Variants in ST6GALNAC3 observed in about 807,000 individuals in gnomAD.
The protein encoded by ST6GALNAC3 is alpha-N-acetylgalactosaminide alpha-2,6-sialyltransferase 3.
ST6GALNAC3 carries 25 observed loss-of-function variants against 32.7 expected under a neutral mutation model. The observed-to-expected ratio is 0.76, with a 90% confidence interval of 0.56 to 1.07. The LOEUF (loss-of-function observed/expected upper bound fraction) is 1.07, where lower values mean the gene tolerates loss of function less well. Among genes scored for constraint, ST6GALNAC3 ranks in the 50% least tolerant of loss-of-function variants. ST6GALNAC3 has a pLI of 0.00. For missense variants in ST6GALNAC3, 355 were observed against 382.4 expected (o/e 0.93, Z 0.60); for synonymous variants, 129 against 133.1 (o/e 0.97, Z 0.21).
intron 3 of ST6GALNAC3, among the ~76,000 whole-genome samples, chr1:76,598,935 T>C (rs1461306101): frequency 6.6e-6 from 1 of 152,232 alleles, no homozygotes; most frequent in African/African-American, 2.4e-5. Flanking sequence ...ACTGCATTTC[T>C]ATGCTTTTCA....
At chr1:76,444,481 T>C (rs1202859107) in intron 3 of ST6GALNAC3, among the ~76,000 whole-genome samples, 5 of 152,190 alleles carry the variant, frequency 3.3e-5, no homozygotes, top group Non-Finnish European at 5.9e-5. Flanking sequence ...CTCATTTTGG[T>C]TTTTTCCTTA....
At chr1:76,488,590 T>C (rs1166833382) in intron 3 of ST6GALNAC3, among the ~76,000 whole-genome samples, 1 of 152,126 alleles carries the variant, frequency 6.6e-6, no homozygotes, top group African/African-American at 2.4e-5. Flanking sequence ...TTAATACATA[T>C]TTGTTGAATA....
At chr1:76,431,896 T>C (rs143789514) in intron 3 of ST6GALNAC3, among the ~76,000 whole-genome samples, 15 of 152,316 alleles carry the variant, frequency 9.8e-5, no homozygotes, top group African/African-American at 3.1e-4. Flanking sequence ...ATACATTCTA[T>C]GGGTTTATAC....
intron 1 of ST6GALNAC3, among the ~76,000 whole-genome samples, chr1:76,278,568 G>A (rs1004521843): frequency 6.6e-6 from 1 of 151,778 alleles, no homozygotes; most frequent in Non-Finnish European, 1.5e-5. Flanking sequence ...TTGATATCTG[G>A]TTACCTCTAC....
intron 2 of ST6GALNAC3, among the ~76,000 whole-genome samples, chr1:76,400,713 C>T (rs559794064): frequency 2.6e-5 from 4 of 151,934 alleles, no homozygotes; most frequent in Non-Finnish European, 5.9e-5. Flanking sequence ...ATGGTGAAAC[C>T]TCATCTCTAG....
intron 3 of ST6GALNAC3, 71 bp downstream of exon 3, chr1:76,412,488 G>C (rs552327255): frequency 2.1e-6 from 3 of 1,430,040 alleles, no homozygotes; most frequent in East Asian, 4.7e-5. Context: ...AATTCCTTTT[G>C]CAGGATATAA....
intron 3 of ST6GALNAC3, among the ~76,000 whole-genome samples, chr1:76,478,760 C>CTTTT (rs397861238): frequency 6.8e-4 from 74 of 109,048 alleles, no homozygotes; most frequent in African/African-American, 8.9e-4. Context: ...TTTATTAATT[C>CTTTT]TTTTTTTTTT....
At chr1:76,225,743 T>C (rs527251924) in intron 1 of ST6GALNAC3, among the ~76,000 whole-genome samples, 1 of 152,122 alleles carries the variant, frequency 6.6e-6, no homozygotes, top group Non-Finnish European at 1.5e-5. Flanking sequence ...AGTTGCACAA[T>C]AGAGATGAAA....
At chr1:76,107,676 G>T (rs779183321) in intron 1 of ST6GALNAC3, among the ~76,000 whole-genome samples, 1 of 151,648 alleles carries the variant, frequency 6.6e-6, no homozygotes, top group Non-Finnish European at 1.5e-5. Flanking sequence ...TGCCCCACCC[G>T]CCAGCCCACC....
intron 3 of ST6GALNAC3, among the ~76,000 whole-genome samples, chr1:76,575,475 A>G (rs1236395945): frequency 6.6e-6 from 1 of 152,128 alleles, no homozygotes; most frequent in Non-Finnish European, 1.5e-5. Flanking sequence ...ATCCTCAAAT[A>G]AAATAGCAGA....
intron 1 of ST6GALNAC3, among the ~76,000 whole-genome samples, chr1:76,145,363 T>C (rs1650609382): frequency 6.6e-6 from 1 of 152,158 alleles, no homozygotes; most frequent in Non-Finnish European, 1.5e-5. Flanking sequence ...GGAAGGATCA[T>C]CTATTGCCTT....
At chr1:76,420,764 A>T (rs1654976764) in intron 3 of ST6GALNAC3, among the ~76,000 whole-genome samples, 1 of 151,972 alleles carries the variant, frequency 6.6e-6, no homozygotes, top group South Asian at 2.1e-4. Context: ...TGGCAGAGAT[A>T]GTTCCCTCTG....
At chr1:76,596,789 C>G (rs1464468042) in intron 3 of ST6GALNAC3, among the ~76,000 whole-genome samples, 3 of 152,122 alleles carry the variant, frequency 2.0e-5, no homozygotes, top group African/African-American at 4.8e-5. Flanking sequence ...GGATCATACT[C>G]TTGACCAGCT....
intron 3 of ST6GALNAC3, among the ~76,000 whole-genome samples, chr1:76,614,936 G>C (rs185687847): frequency 1.3e-5 from 2 of 151,974 alleles, no homozygotes; most frequent in Admixed American, 1.3e-4. Context: ...GCAGGGTGTC[G>C]TCTGGGGTAT....
At chr1:76,494,550 A>AACAC (rs55892265) in intron 3 of ST6GALNAC3, among the ~76,000 whole-genome samples, 770 of 63,818 alleles carry the variant, frequency 0.012, 18 homozygotes, top group Middle Eastern at 0.049. Flanking sequence ...CATGTGTATA[A>AACAC]ACACACACAC....
chr1:76,443,970 C>G (rs748584421), intron 3 of ST6GALNAC3, among the ~76,000 whole-genome samples: 19 of 152,190 alleles, frequency 1.2e-4, no homozygotes, highest in Non-Finnish European at 2.5e-4. Flanking sequence ...GTGTTCTCAA[C>G]ACACATTTTC....
At chr1:76,316,251 CATGCTGT>C (rs1339473177) in intron 2 of ST6GALNAC3, among the ~76,000 whole-genome samples, 7 of 152,108 alleles carry the variant, frequency 4.6e-5, no homozygotes, top group African/African-American at 1.7e-4. Flanking sequence ...TGAAGATTTA[CATGCTGT>C]ATGCCCAACC....
At chr1:76,595,514 C>T (rs1647121334) in intron 3 of ST6GALNAC3, among the ~76,000 whole-genome samples, 1 of 152,110 alleles carries the variant, frequency 6.6e-6, no homozygotes, top group Non-Finnish European at 1.5e-5. Flanking sequence ...GTGTTATATT[C>T]TAAGCTTAAT....
chr1:76,457,055 A>G (rs1340934216), intron 3 of ST6GALNAC3, among the ~76,000 whole-genome samples: 12 of 151,906 alleles, frequency 7.9e-5, no homozygotes, highest in South Asian at 2.1e-4. Context: ...CTTATACACC[A>G]ATAACAGACA....
Sources: allele counts gnomAD v4.1 joint callset (sites outside exome capture counted in the v4.1 genomes callset), GRCh38; gene constraint gnomAD v4.1.1; transcripts MANE v1.5; gene names NCBI Gene and HGNC (gene_info 2026-07-23, HGNC 2026-07-21).